The following FRMD6 variants were observed in gnomAD, a reference collection of about 807,000 sequenced individuals.
FRMD6 encodes the protein FERM domain-containing protein 6.
A neutral mutation model predicts 73.2 loss-of-function variants in FRMD6; 37 were observed. The ratio of observed to expected loss-of-function variants is 0.51; its 90% CI spans 0.39 to 0.66. FRMD6 has a LOEUF of 0.66. FRMD6 is among the 30% of genes least tolerant of loss of function. FRMD6 has a pLI of 0.00. For missense variants in FRMD6, 714 were observed against 780.5 expected, an observed-to-expected ratio of 0.91 and a Z score of 1.02; for synonymous variants, 273 against 282.2, an observed-to-expected ratio of 0.97 and a Z score of 0.33.
chr14:51,460,777 A>G, the FRMD6 span, among the ~76,000 whole-genome samples: 2 of 152,300 alleles, frequency 1.3e-5, no homozygotes, highest in Non-Finnish European at 2.9e-5. Flanking sequence ...GATCCTGAAG[A>G]TGTTGATTAG....
chr14:51,530,575 G>T (rs1349887175), intron 1 of FRMD6, among the ~76,000 whole-genome samples: 1 of 152,038 alleles, frequency 6.6e-6, no homozygotes, highest in Non-Finnish European at 1.5e-5. Flanking sequence ...CTGCTTCTGG[G>T]GATCAAGTGA....
the FRMD6 span, among the ~76,000 whole-genome samples, chr14:51,446,258 C>T: frequency 6.6e-6 from 1 of 152,104 alleles, no homozygotes; most frequent in Non-Finnish European, 1.5e-5. Context: ...AGAGGAGTGA[C>T]CGCGATGGTT....
intron 1 of FRMD6, among the ~76,000 whole-genome samples, chr14:51,568,916 G>A (rs189812359): frequency 1.3e-5 from 2 of 151,354 alleles, no homozygotes; most frequent in African/African-American, 4.9e-5. Context: ...CGCAGTCTCG[G>A]CTCACTGCAA....
chr14:51,720,510 G>A (rs1315244591), intron 11 of FRMD6, 120 bp downstream of exon 11: 1 of 819,722 alleles, frequency 1.2e-6, no homozygotes, highest in Non-Finnish European at 2.0e-6. Flanking sequence ...TGGAAGAGGT[G>A]TCTTGTTGTC....
At chr14:51,686,670 A>G (rs1895174842) in intron 1 of FRMD6, among the ~76,000 whole-genome samples, 1 of 152,126 alleles carries the variant, frequency 6.6e-6, no homozygotes. Context: ...TTCGAAGATA[A>G]TAGATCCTAA....
At chr14:51,443,104 C>A in the FRMD6 span, among the ~76,000 whole-genome samples, 2 of 152,188 alleles carry the variant, frequency 1.3e-5, no homozygotes, top group Non-Finnish European at 2.9e-5. Flanking sequence ...GGCTTCTCCC[C>A]CTTCTTGCCA....
intron 2 of FRMD6, among the ~76,000 whole-genome samples, chr14:51,593,806 A>G (rs1298536941): frequency 6.6e-5 from 10 of 152,158 alleles, no homozygotes; most frequent in South Asian, 2.1e-4. Flanking sequence ...GCAATTTGAA[A>G]TATGTTATGT....
At chr14:51,712,361 A>C in intron 8 of FRMD6, 122 bp from the exon 9 acceptor site, 2 of 655,618 alleles carry the variant, frequency 3.1e-6, no homozygotes, top group Admixed American at 5.9e-5. Flanking sequence ...TTCTCCAAAG[A>C]GATGTGGGGG....
chr14:51,436,445 A>T, the FRMD6 span: 6 of 550,652 alleles, frequency 1.1e-5, no homozygotes, highest in South Asian at 1.1e-4. Context: ...ATTGCTGAAT[A>T]GATTTTTATT....
intron 1 of FRMD6, among the ~76,000 whole-genome samples, chr14:51,536,091 T>TAGAG (rs1437974865): frequency 2.4e-4 from 33 of 139,304 alleles, no homozygotes; most frequent in African/African-American, 7.2e-4. Flanking sequence ...TATATATATA[T>TAGAG]ATATATAGAG....
At chr14:51,634,611 G>GA (rs887371469) in intron 2 of FRMD6, among the ~76,000 whole-genome samples, 77 of 146,830 alleles carry the variant, frequency 5.2e-4, no homozygotes, top group Admixed American at 1.8e-3. Flanking sequence ...TATAAAAAAG[G>GA]AAAAAAAAAA....
chr14:51,680,206 G>A (rs1594720260), intron 1 of FRMD6, among the ~76,000 whole-genome samples: 1 of 152,172 alleles, frequency 6.6e-6, no homozygotes, highest in East Asian at 1.9e-4. Flanking sequence ...GTCTGAGTTT[G>A]CATGGGGCAG....
At chr14:51,486,029 T>TTC (rs985104244), upstream of FRMD6, among the ~76,000 whole-genome samples, 14 of 143,394 alleles carry the variant, frequency 9.8e-5, no homozygotes, top group South Asian at 4.4e-4. Flanking sequence ...TTCCTTTTCT[T>TTC]TTTTTTTTTT....
chr14:51,633,860 G>T (rs1230343863), intron 2 of FRMD6, among the ~76,000 whole-genome samples: 1 of 152,144 alleles, frequency 6.6e-6, no homozygotes, highest in Non-Finnish European at 1.5e-5. Context: ...ACAATTTGAT[G>T]TATCTTTTAA....
chr14:51,559,909 AC>A (rs933855195), intron 1 of FRMD6, among the ~76,000 whole-genome samples: 2 of 152,220 alleles, frequency 1.3e-5, no homozygotes, highest in Admixed American at 6.5e-5. Flanking sequence ...TAGAAAGAGA[AC>A]TGGATGACTT....
At chr14:51,404,598 T>C in the FRMD6 span, among the ~76,000 whole-genome samples, 1 of 152,162 alleles carries the variant, frequency 6.6e-6, no homozygotes, top group African/African-American at 2.4e-5. Flanking sequence ...GAAATCCAAT[T>C]TGATTTGTTT....
intron 2 of FRMD6, among the ~76,000 whole-genome samples, chr14:51,629,520 C>T (rs927505622): frequency 6.6e-6 from 1 of 152,184 alleles, no homozygotes; most frequent in Non-Finnish European, 1.5e-5. Context: ...TCCTTGTCAA[C>T]ACTTCTTATT....
intron 1 of FRMD6, among the ~76,000 whole-genome samples, chr14:51,686,976 CT>C (rs1895200246): frequency 6.6e-6 from 1 of 152,074 alleles, no homozygotes. Flanking sequence ...TCTTTAAGGG[CT>C]TTTCTAGTTT....
intron 1 of FRMD6, among the ~76,000 whole-genome samples, chr14:51,498,690 A>T (rs1304517801): frequency 6.6e-6 from 1 of 152,160 alleles, no homozygotes; most frequent in African/African-American, 2.4e-5. Context: ...AGTACAGTAC[A>T]AGCTTCAACA....
Sources: allele counts gnomAD v4.1 joint callset (sites outside exome capture counted in the v4.1 genomes callset), GRCh38; gene constraint gnomAD v4.1.1; transcripts MANE v1.5; gene names NCBI Gene and HGNC (gene_info 2026-07-23, HGNC 2026-07-21).